The following OSBPL5 variants were observed in gnomAD, a reference collection of about 807,000 sequenced individuals.
OSBPL5 encodes oxysterol-binding protein-related protein 5.
Under a neutral mutation model 111.2 loss-of-function variants are expected in OSBPL5, and 71 were observed. The ratio of observed to expected loss-of-function variants is 0.64; its 90% CI spans 0.53 to 0.78. OSBPL5 has a LOEUF of 0.78. Among genes scored for constraint, OSBPL5 ranks in the 30% least tolerant of loss-of-function variants. The pLI is 0.00. For missense variants in OSBPL5, 1,210 were observed against 1,189.3 expected, an observed-to-expected ratio of 1.02 and a Z score of -0.26; for synonymous variants, 549 against 513.9, an observed-to-expected ratio of 1.07 and a Z score of -0.93.
chr11:3,158,970 T>C (rs1440536706), intron 1 of OSBPL5, among the ~76,000 whole-genome samples: 4 of 152,006 alleles, frequency 2.6e-5, no homozygotes, highest in East Asian at 3.9e-4. Flanking sequence ...ATGTCAGGGA[T>C]GGGGGTGCCT....
intron 1 of OSBPL5, among the ~76,000 whole-genome samples, chr11:3,143,066 A>T (rs986409292): frequency 6.3e-5 from 4 of 63,252 alleles, no homozygotes; most frequent in Non-Finnish European, 1.2e-4. Context: ...GGAGCGGGGC[A>T]GAGGAGGCAG....
rs1236508317 is a variant in OSBPL5, at chr11:3,161,311, G to A, written c.-22+3905C>T. 6.6e-6 allele frequency: 1 copy of A among 152,164 alleles called. No homozygotes were observed. The highest frequency in any genetic ancestry group is 1.5e-5 in the Non-Finnish European group (1 of 68,034). The allele number at this position is 152,164 out of a possible 1,614,324, so 9.4% of individuals were successfully genotyped here. On this transcript the variant is annotated intron_variant, in intron 1 of 21. Coordinates refer to ENST00000263650, the MANE Select transcript of OSBPL5 (RefSeq NM_020896.4). The surrounding 1 kb of genome is among the most constrained non-coding windows in gnomAD (Gnocchi z 8.0). The stretch of plus-strand genomic sequence containing the variant: ...CCCGAGGAGGTGAGACACCCTAAGG[G>A]CTCCATTCCTAAATCAGAGATGATG...
rs1160508818 is a variant in OSBPL5, at chr11:3,096,642, G to A, written c.1622-2308C>T. 5.3e-4 allele frequency among the ~76,000 whole-genome samples: 79 copies of A among 148,584 alleles called. 1 individual carries two copies. In the Middle Eastern group the frequency reaches 0.011, roughly 20 times the overall value. ...AAAAAAAAAAAAAGACAGAAAGAAAGAAAGAAAGAAGGGAAATCCTTAACT... is the reference window on the plus strand; with the variant it reads ...AAAAAAAAAAAAAGACAGAAAGAAAAAAAGAAAGAAGGGAAATCCTTAACT... On this transcript the variant is annotated intron_variant, in intron 14 of 21. Transcript: ENST00000263650.
chr11:3,137,373 G>A (rs554428796), intron 1 of OSBPL5, among the ~76,000 whole-genome samples: 21 of 152,336 alleles, frequency 1.4e-4, no homozygotes, highest in East Asian at 7.7e-4. Flanking sequence ...TGGGACATGC[G>A]CTTTCCCAGG....
In OSBPL5 at chr11:3,165,157, C is replaced by G. The variant is rs890578858; in HGVS notation, c.-22+59G>C. ...CCCTGCCCGGCGGGGCCCTCCGGAT[C>G]CTTCCCAGCCCGCCATCCCCCCGCC... On this transcript the variant is annotated intron_variant, in intron 1 of 21. Transcript: ENST00000263650. The surrounding 1 kb of genome is among the most constrained non-coding windows in gnomAD (Gnocchi z 7.4). 1 of 150,702 alleles carries G rather than the reference C, an allele frequency of 6.6e-6. No individual in the cohort carries two copies. Among genetic ancestry groups the G allele is most frequent in the African/African-American group, 2.4e-5 (1 of 41,246 alleles). 9.3% of individuals were successfully genotyped at this position (150,702 alleles called of 1,614,324 possible). A position where few individuals can be genotyped will look rare whatever the true frequency, so the allele number is the denominator to read the frequency against.
At chr11:3,132,990 AGGTGCCTGG>A (rs1286664671) in intron 1 of OSBPL5, among the ~76,000 whole-genome samples, 4 of 152,052 alleles carry the variant, frequency 2.6e-5, no homozygotes, top group South Asian at 2.1e-4. Context: ...TCCCCATTGG[AGGTGCCTGG>A]GGTGCCTGCC....
At position 3,162,405 on chromosome 11, in the gene OSBPL5, C is replaced by T. The variant is rs1298099246; in HGVS notation, c.-22+2811G>A. Among the ~76,000 whole-genome samples, 1 of 152,044 alleles carries T rather than the reference C, an allele frequency of 6.6e-6. No individual in the cohort carries two copies. The highest frequency in any genetic ancestry group is 2.4e-5 in the African/African-American group (1 of 41,390). On this transcript the variant is annotated intron_variant, in intron 1 of 21. Coordinates refer to ENST00000263650, the MANE Select transcript of OSBPL5 (RefSeq NM_020896.4). This position sits in a 1 kb window ranked among gnomAD's most constrained non-coding sequence, Gnocchi z 8.1. ...GCCAAGAAGGCTCATGTCCCACCCC[C>T]TCCCCATCTCCCACCTCAAGCCCTG...
Position 3,142,215 on chromosome 11 carries a change from G to A in OSBPL5, c.-21-13046C>T, listed in dbSNP as rs115718607. The stretch of plus-strand genomic sequence containing the variant: ...ATTACAGGCGTGAGCCACCGTGCCC[G>A]GCCGACAGCTGGTTTCTGAGGCCAA... On this transcript the variant is annotated intron_variant, in intron 1 of 21. Transcript: ENST00000263650. The surrounding 1 kb of genome is among the most constrained non-coding windows in gnomAD (Gnocchi z 7.1). 0.022 allele frequency among the ~76,000 whole-genome samples: 3,343 copies of A among 152,314 alleles called. 119 individuals carry two copies. The highest frequency in any genetic ancestry group is 0.075 in the African/African-American group (3,135 of 41,568).
chr11:3,149,054 G>A (rs1846472259), intron 1 of OSBPL5, among the ~76,000 whole-genome samples: 1 of 152,182 alleles, frequency 6.6e-6, no homozygotes, highest in African/African-American at 2.4e-5. Context: ...CCTCCCCACT[G>A]GGCCCACCAC....
At chr11:3,115,263 T>G (rs1257218754) in intron 7 of OSBPL5, among the ~76,000 whole-genome samples, 1 of 152,270 alleles carries the variant, frequency 6.6e-6, no homozygotes, top group African/African-American at 2.4e-5. Context: ...CCATTATTAT[T>G]AAGTTTGGTT....
In OSBPL5 at chr11:3,109,467, C is replaced by CT. The variant is rs1381378600; in HGVS notation, c.692-1523dup. On this transcript the variant is annotated intron_variant, in intron 7 of 21. Coordinates refer to ENST00000263650, the MANE Select transcript of OSBPL5 (RefSeq NM_020896.4). The surrounding 1 kb of genome is among the most constrained non-coding windows in gnomAD (Gnocchi z 7.4). ...GCATTGAAGGCGGTTCTGTGCCTCT[C>CT]TGAGCCTCTGCCTTTTCGAGCTCCT... 1.3e-5 allele frequency among the ~76,000 whole-genome samples: 2 copies of CT among 152,198 alleles called. No individual in the cohort carries two copies. Among genetic ancestry groups the CT allele is most frequent in the Admixed American group, 6.5e-5 (1 of 15,284 alleles).
At chr11:3,112,082 TGTGC>T (rs1437773738) in intron 7 of OSBPL5, among the ~76,000 whole-genome samples, 133 of 141,032 alleles carry the variant, frequency 9.4e-4, no homozygotes, top group African/African-American at 3.6e-3. Flanking sequence ...TGCATGTGTG[TGTGC>T]ATGTGTGTGT....
intron 14 of OSBPL5, among the ~76,000 whole-genome samples, chr11:3,098,324 G>GA (rs772222566): frequency 1.2e-3 from 177 of 151,456 alleles, no homozygotes; most frequent in Non-Finnish European, 1.8e-3. Context: ...GGAGTTCTAG[G>GA]AAAAATGGAG....
intron 1 of OSBPL5, among the ~76,000 whole-genome samples, chr11:3,144,300 C>G (rs1846259321): frequency 6.6e-6 from 1 of 152,168 alleles, no homozygotes; most frequent in Non-Finnish European, 1.5e-5. Context: ...TGCCATGGTG[C>G]CAAGGAGCAG....
intron 2 of OSBPL5, among the ~76,000 whole-genome samples, chr11:3,128,115 A>C (rs1400648674): frequency 6.6e-6 from 1 of 152,204 alleles, no homozygotes; most frequent in African/African-American, 2.4e-5. Flanking sequence ...CAGCAAGGCC[A>C]CCTCTACGCT....
Position 3,107,895 on chromosome 11 carries a change from G to T in OSBPL5, c.742C>A (p.Leu248Met). ...LELALRCSSL[L>M]RLGTCKPGRD... Reference sequence around the variant, plus strand: ...CCCGGCTTGCAGGTGCCCAGTCTCAGTAGGCTAGAGCAGCGCAGGGCCAGC... The same window carrying T: ...CCCGGCTTGCAGGTGCCCAGTCTCATTAGGCTAGAGCAGCGCAGGGCCAGC... Residue 248 changes from leucine to methionine, a missense_variant, in exon 8 of 22, where the codon CTG becomes ATG. Leu to Met is a conservative substitution (Grantham distance 15). Coordinates refer to ENST00000263650, the MANE Select transcript of OSBPL5 (RefSeq NM_020896.4). This position sits in a 1 kb window ranked among gnomAD's most constrained non-coding sequence, Gnocchi z 6.1. 6.2e-7 allele frequency: 1 copy of T among 1,604,696 alleles called. No individual in the cohort carries two copies. The highest frequency in any genetic ancestry group is 8.5e-7 in the Non-Finnish European group (1 of 1,179,876).
At chr11:3,150,313 A>C (rs924386878) in intron 1 of OSBPL5, among the ~76,000 whole-genome samples, 1 of 152,202 alleles carries the variant, frequency 6.6e-6, no homozygotes, top group African/African-American at 2.4e-5. Context: ...TTTTTTAAAA[A>C]AAAAGTTTTT....
At chr11:3,138,128 C>T (rs976754447) in intron 1 of OSBPL5, among the ~76,000 whole-genome samples, 11 of 152,218 alleles carry the variant, frequency 7.2e-5, no homozygotes, top group Admixed American at 1.3e-4. Context: ...CAGGCCAGCC[C>T]GTCCCCGGCC....
intron 7 of OSBPL5, among the ~76,000 whole-genome samples, chr11:3,112,086 C>CAT (rs1564837815): frequency 1.1e-4 from 10 of 88,738 alleles, no homozygotes; most frequent in Non-Finnish European, 2.3e-4. Context: ...TGTGTGTGTG[C>CAT]ATGTGTGTGT....
Sources: gnomAD v4.1 joint callset for allele counts (sites outside exome capture counted in the v4.1 genomes callset) on GRCh38, gnomAD v4.1.1 for gene constraint, Gnocchi (gnomAD v3.1) non-coding constraint, MANE v1.5 for transcripts, NCBI Gene and HGNC (gene_info 2026-07-23, HGNC 2026-07-21) for gene names.